The following ANP32B variants were observed in gnomAD, a reference collection of about 807,000 sequenced individuals.
ANP32B encodes acidic nuclear phosphoprotein 32 family member B.
A neutral mutation model predicts 32.2 loss-of-function variants in ANP32B; 6 were observed. That is an observed-to-expected ratio of 0.19 (90% CI 0.10 to 0.37). The LOEUF is 0.37. Among genes scored for constraint, ANP32B ranks in the 10% least tolerant of loss-of-function variants. The pLI is 1.00. For synonymous variants in ANP32B, 98 were observed against 105.8 expected (o/e 0.93, Z 0.45); for missense variants, 204 against 289.2 (o/e 0.71, Z 2.14).
intron 1 of ANP32B, among the ~76,000 whole-genome samples, chr9:97,984,917 G>T (rs1197903479): frequency 6.6e-6 from 1 of 150,992 alleles, no homozygotes; most frequent in Admixed American, 6.6e-5. Context: ...ACGTGCTTGA[G>T]AGCGGCCTGG....
chr9:97,992,286 C>A (rs1470710740), intron 1 of ANP32B, among the ~76,000 whole-genome samples: 2 of 152,166 alleles, frequency 1.3e-5, no homozygotes, highest in Non-Finnish European at 2.9e-5. Flanking sequence ...GATGGGGTTT[C>A]ACTGTGTTGG....
In ANP32B at chr9:98,005,044, C is replaced by T; in HGVS notation, c.408C>T (p.Phe136=). Residue 136 remains phenylalanine (F), a synonymous_variant, in exon 4 of 7, where the codon TTC becomes TTT. Transcript: ENST00000339399. The stretch of plus-strand genomic sequence containing the variant: ...TGAATGACTACCGAGAGAGTGTCTT[C>T]AAGCTCCTGCCCCAGCTTACCTACT... The part of the protein sequence containing the change: ...TNLNDYRESV[F]KLLPQLTYLD... The T allele has an allele frequency of 6.2e-7, 1 of 1,614,016 alleles. No individual in the cohort carries two copies. Among genetic ancestry groups the T allele is most frequent in the Non-Finnish European group, 8.5e-7 (1 of 1,179,994 alleles).
intron 1 of ANP32B, among the ~76,000 whole-genome samples, chr9:97,984,130 G>A (rs1349035326): frequency 6.7e-6 from 1 of 150,062 alleles, no homozygotes; most frequent in African/African-American, 2.4e-5. Context: ...CGGCCCGGCC[G>A]AGGTCAGCAG....
At position 97,983,401 on chromosome 9, in the gene ANP32B, GC is replaced by G; in HGVS notation, c.-153del. Reference sequence around the variant, plus strand: ...TAACTTGGCTCCGGGGGCTCCGCTCGCCTGCCCGCACGCCGCCCGCCACCCA... The same window carrying G: ...TAACTTGGCTCCGGGGGCTCCGCTCGCTGCCCGCACGCCGCCCGCCACCCA... On this transcript the variant is annotated 5_prime_UTR_variant, in exon 1 of 7. Coordinates refer to ENST00000339399, the MANE Select transcript of ANP32B (RefSeq NM_006401.3). 3.3e-6 allele frequency: 2 copies of G among 602,984 alleles called. No homozygotes were observed. 37.4% of individuals were successfully genotyped at this position (602,984 alleles called of 1,614,324 possible). A position where few individuals can be genotyped will look rare whatever the true frequency, so the allele number is the denominator to read the frequency against.
At chr9:97,989,799 C>T (rs1315296099) in intron 1 of ANP32B, among the ~76,000 whole-genome samples, 2 of 152,160 alleles carry the variant, frequency 1.3e-5, no homozygotes, top group African/African-American at 4.8e-5. Flanking sequence ...GGCTTAGTTA[C>T]CTCTGTGGAG....
At chr9:97,984,603 C>T (rs1234612728) in intron 1 of ANP32B, 7 of 151,036 alleles carry the variant, frequency 4.6e-5, no homozygotes, top group Admixed American at 3.9e-4. Context: ...GCCCGTCTCC[C>T]TGCGCCTGGT....
chr9:98,011,465 A>G, intron 5 of ANP32B, 76 bp downstream of exon 5: 1 of 1,523,536 alleles, frequency 6.6e-7, no homozygotes, highest in Non-Finnish European at 8.8e-7. Context: ...AGATGACAAA[A>G]GAAAAGAAAA....
chr9:97,985,297 C>T (rs980052297), intron 1 of ANP32B, among the ~76,000 whole-genome samples: 18 of 152,278 alleles, frequency 1.2e-4, no homozygotes, highest in Admixed American at 3.9e-4. Context: ...AATCCTTGCT[C>T]TCTAGTCTTT....
intron 5 of ANP32B, among the ~76,000 whole-genome samples, chr9:98,012,218 T>A (rs976357387): frequency 1.3e-5 from 2 of 151,248 alleles, no homozygotes; most frequent in Non-Finnish European, 2.9e-5. Flanking sequence ...CTAAAAAAAA[T>A]TTTTCTTAGA....
At chr9:98,014,694 C>T (rs993193694) in intron 6 of ANP32B, among the ~76,000 whole-genome samples, 1 of 152,160 alleles carries the variant, frequency 6.6e-6, no homozygotes, top group Non-Finnish European at 1.5e-5. Flanking sequence ...AGAGGTTAAG[C>T]TTGTCTGAGA....
chr9:97,983,796 C>T (rs937813052), intron 1 of ANP32B, among the ~76,000 whole-genome samples, 187 bp downstream of exon 1: 77 of 151,422 alleles, frequency 5.1e-4, no homozygotes, highest in Non-Finnish European at 8.1e-4. Flanking sequence ...TCTTTGCCGC[C>T]CGCGGGCCCC....
At chr9:97,983,983 G>C (rs1827649799) in intron 1 of ANP32B, among the ~76,000 whole-genome samples, 8 of 150,472 alleles carry the variant, frequency 5.3e-5, no homozygotes, top group Admixed American at 5.3e-4. Context: ...CGGCCGGGCG[G>C]AGGCCCGGCC....
At chr9:97,988,198 A>T (rs1287974982) in intron 1 of ANP32B, among the ~76,000 whole-genome samples, 2 of 151,484 alleles carry the variant, frequency 1.3e-5, no homozygotes, top group East Asian at 3.9e-4. Context: ...TAGACTCATT[A>T]TTAATGTCTG....
chr9:98,005,451 G>A (rs779167079), intron 4 of ANP32B, among the ~76,000 whole-genome samples: 3 of 151,930 alleles, frequency 2.0e-5, no homozygotes, highest in Non-Finnish European at 2.9e-5. Context: ...GAACCTAGGA[G>A]TTTGAGGCTA....
Position 97,983,502 on chromosome 9 carries a change from C to T in ANP32B, c.-54C>T. 2.0e-6 allele frequency: 3 copies of T among 1,482,836 alleles called. No homozygotes were observed. The highest frequency in any genetic ancestry group is 2.7e-6 in the Non-Finnish European group (3 of 1,093,840). The allele number at this position is 1,482,836 out of a possible 1,614,324, so 91.9% of individuals were successfully genotyped here. On this transcript the variant is annotated 5_prime_UTR_variant, in exon 1 of 7. Transcript: ENST00000339399. ...GCTGCGCAAGCCGGGACGCCTCTCC[C>T]CCCTCCGCCCCCGCCGCGGAAAGTT...
At chr9:97,994,384 T>G (rs1000054772) in intron 1 of ANP32B, among the ~76,000 whole-genome samples, 1 of 152,338 alleles carries the variant, frequency 6.6e-6, no homozygotes, top group South Asian at 2.1e-4. Context: ...TAGTTTCTGT[T>G]TCTGGAAAAA....
chr9:97,988,541 A>G (rs1361979609), intron 1 of ANP32B, among the ~76,000 whole-genome samples: 1 of 152,234 alleles, frequency 6.6e-6, no homozygotes, highest in African/African-American at 2.4e-5. Flanking sequence ...ACCGGGCAAC[A>G]TGGCGAAACC....
rs552616336 is a variant in ANP32B, at chr9:98,006,262, C to G, written c.517+1109C>G. The stretch of plus-strand genomic sequence containing the variant: ...GTGAGTGGCAAGTGACAAGCTGCAT[C>G]TGGTGGCAGGCTTTATAGTGGCAAG... On this transcript the variant is annotated intron_variant, in intron 4 of 6. Coordinates refer to ENST00000339399, the MANE Select transcript of ANP32B (RefSeq NM_006401.3). Among the ~76,000 whole-genome samples the G allele has an allele frequency of 4.2e-4, 64 of 152,310 alleles. 1 individual carries two copies. The highest frequency in any genetic ancestry group is 1.8e-3 in the Admixed American group (27 of 15,298).
intron 4 of ANP32B, among the ~76,000 whole-genome samples, chr9:98,010,699 G>A (rs1264710780): frequency 6.6e-6 from 1 of 152,118 alleles, no homozygotes; most frequent in African/African-American, 2.4e-5. Context: ...CCGCACTAGA[G>A]GTCCGAACAA....
Sources: gnomAD v4.1 joint callset for allele counts (sites outside exome capture counted in the v4.1 genomes callset) on GRCh38, gnomAD v4.1.1 for gene constraint, MANE v1.5 for transcripts, NCBI Gene and HGNC (gene_info 2026-07-23, HGNC 2026-07-21) for gene names.